WDR76: variants seen among roughly 807,000 people sequenced by gnomAD.
WDR76 encodes the protein WD repeat-containing protein 76.
Under a neutral mutation model 70.2 loss-of-function variants are expected in WDR76, and 52 were observed. The ratio of observed to expected loss-of-function variants is 0.74; its 90% CI spans 0.59 to 0.93. WDR76 has a LOEUF of 0.93. Ranked by LOEUF, WDR76 falls within the 40% of genes least tolerant of loss-of-function variation. The probability of loss-of-function intolerance (pLI) is 0.00; values close to 1 mark genes in which losing one functional copy is unlikely to be tolerated. For missense variants in WDR76, 756 were observed against 760.2 expected (o/e 0.99, Z 0.07); for synonymous variants, 292 against 271.1 (o/e 1.08, Z -0.76).
At position 43,832,743 on chromosome 15, in the gene WDR76, G is replaced by GTTTTTTTTTTTTTT. The variant is rs201304087; in HGVS notation, c.463-2304_463-2291dup. On this transcript the variant is annotated intron_variant, in intron 2 of 12. Coordinates refer to ENST00000263795, the MANE Select transcript of WDR76 (RefSeq NM_024908.4). ...TGAGCCATTGCACCCGGCTTGCTTT[G>GTTTTTTTTTTTTTT]TTTTTTTTTTTTTTTTTTTTTTTTT... Among the ~76,000 whole-genome samples, 10 of 68,114 alleles carry GTTTTTTTTTTTTTT rather than the reference G, an allele frequency of 1.5e-4. 3 individuals carry two copies. The East Asian group carries it at 2.1e-3, about 14-fold the overall frequency. 44.7% of individuals were successfully genotyped at this position (68,114 alleles called of 152,430 possible).
chr15:43,850,838 T>G (rs1038525024), intron 8 of WDR76, among the ~76,000 whole-genome samples: 1 of 152,188 alleles, frequency 6.6e-6, no homozygotes, highest in Non-Finnish European at 1.5e-5. Context: ...ATAAACTATT[T>G]TGTTAGTTAC....
At chr15:43,855,370 C>G (rs1291006794) in intron 9 of WDR76, among the ~76,000 whole-genome samples, 1 of 152,174 alleles carries the variant, frequency 6.6e-6, no homozygotes, top group African/African-American at 2.4e-5. Context: ...GATGGCAGAA[C>G]AAGAATTTAC....
At chr15:43,836,102 T>C (rs1180351580) in intron 3 of WDR76, 59 bp from the exon 4 acceptor site, 2 of 1,502,826 alleles carry the variant, frequency 1.3e-6, no homozygotes, top group African/African-American at 2.8e-5. Context: ...AGATGCTTAA[T>C]ATTTTAAAAG....
chr15:43,860,617 C>G (rs1016242299), intron 11 of WDR76, among the ~76,000 whole-genome samples: 10 of 151,942 alleles, frequency 6.6e-5, no homozygotes, highest in Admixed American at 2.6e-4. Flanking sequence ...ATCTTACGGC[C>G]TCAGCTTCCC....
chr15:43,857,263 G>A (rs2087940298), intron 10 of WDR76, 100 bp downstream of exon 10: 1 of 1,212,314 alleles, frequency 8.2e-7, no homozygotes, highest in Admixed American at 3.1e-5. Context: ...ATTACAAAAG[G>A]TATTACTTTT....
At chr15:43,840,464 ATG>A in intron 5 of WDR76, among the ~76,000 whole-genome samples, 1 of 152,316 alleles carries the variant, frequency 6.6e-6, no homozygotes, top group Non-Finnish European at 1.5e-5. Flanking sequence ...ATACGTGATA[ATG>A]TGTAGTTTTA....
At chr15:43,855,627 G>T (rs1467923021) in intron 9 of WDR76, among the ~76,000 whole-genome samples, 1 of 152,056 alleles carries the variant, frequency 6.6e-6, no homozygotes, top group Non-Finnish European at 1.5e-5. Context: ...TTCTTTATGT[G>T]CATGAGTCCT....
intron 2 of WDR76, among the ~76,000 whole-genome samples, chr15:43,834,518 G>T (rs1189094375): frequency 6.6e-6 from 1 of 150,458 alleles, no homozygotes; most frequent in Non-Finnish European, 1.5e-5. Context: ...CACCATGTTG[G>T]CCAGGCTGGT....
intron 8 of WDR76, among the ~76,000 whole-genome samples, chr15:43,846,425 C>A (rs1054038786): frequency 1.3e-5 from 2 of 149,114 alleles, no homozygotes; most frequent in East Asian, 3.9e-4. Flanking sequence ...GCTGGGACTA[C>A]GGTCATGTGC....
chr15:43,830,192 A>G (rs547705913), intron 2 of WDR76, among the ~76,000 whole-genome samples: 2 of 151,980 alleles, frequency 1.3e-5, no homozygotes, highest in African/African-American at 2.4e-5. Context: ...ACAGTTTCCT[A>G]GAGACGCTGA....
intron 7 of WDR76, 27 bp downstream of exon 7, chr15:43,842,698 T>C: frequency 6.3e-7 from 1 of 1,595,494 alleles, no homozygotes; most frequent in Non-Finnish European, 8.5e-7. Flanking sequence ...TGTGTTTCTT[T>C]TATATTTTTT....
At chr15:43,860,910 CTTTTT>C (rs34504509) in intron 11 of WDR76, among the ~76,000 whole-genome samples, 3 of 78,992 alleles carry the variant, frequency 3.8e-5, no homozygotes, top group Non-Finnish European at 6.9e-5. Context: ...TGATCTTACT[CTTTTT>C]TTTTTTTTTT....
chr15:43,860,253 C>A (rs1352402776), intron 11 of WDR76, among the ~76,000 whole-genome samples: 1 of 152,168 alleles, frequency 6.6e-6, no homozygotes, highest in East Asian at 1.9e-4. Flanking sequence ...TCTTGAAAAC[C>A]AAAACACAAC....
intron 4 of WDR76, among the ~76,000 whole-genome samples, chr15:43,836,703 A>G (rs969668474): frequency 6.6e-6 from 1 of 152,062 alleles, no homozygotes; most frequent in Non-Finnish European, 1.5e-5. Flanking sequence ...GGTAGGTAAT[A>G]TATTCATTTT....
intron 5 of WDR76, among the ~76,000 whole-genome samples, chr15:43,841,412 TG>T (rs1382635803): frequency 6.6e-6 from 1 of 152,050 alleles, no homozygotes; most frequent in Non-Finnish European, 1.5e-5. Flanking sequence ...TTAGCCAGGA[TG>T]GTCTCAATCT....
intron 2 of WDR76, among the ~76,000 whole-genome samples, chr15:43,832,946 G>A (rs571715691): frequency 6.6e-6 from 1 of 151,622 alleles, no homozygotes; most frequent in South Asian, 2.1e-4. Flanking sequence ...GTAGAGACGG[G>A]GTTTCGACAC....
chr15:43,840,949 TCA>T (rs2140301534), intron 5 of WDR76, among the ~76,000 whole-genome samples: 1 of 151,840 alleles, frequency 6.6e-6, no homozygotes, highest in South Asian at 2.1e-4. Flanking sequence ...ATTGTAACTA[TCA>T]CACATATATG....
intron 2 of WDR76, among the ~76,000 whole-genome samples, chr15:43,831,087 C>T (rs987923014): frequency 6.6e-6 from 1 of 151,306 alleles, no homozygotes; most frequent in African/African-American, 2.4e-5. Flanking sequence ...AAAAATTAGC[C>T]AGGCGTGGTG....
intron 5 of WDR76, among the ~76,000 whole-genome samples, 193 bp from the exon 6 acceptor site, chr15:43,842,222 C>T (rs1467502704): frequency 6.6e-6 from 1 of 152,108 alleles, no homozygotes; most frequent in Non-Finnish European, 1.5e-5. Flanking sequence ...TGAGATAATA[C>T]ATGTTATTAT....
Sources: allele counts gnomAD v4.1 joint callset (sites outside exome capture counted in the v4.1 genomes callset), GRCh38; gene constraint gnomAD v4.1.1; transcripts MANE v1.5; gene names NCBI Gene and HGNC (gene_info 2026-07-23, HGNC 2026-07-21).